Variants in CALN1 observed in about 807,000 individuals in gnomAD.
CALN1 encodes the protein calneuron 1.
A neutral mutation model predicts 30.6 loss-of-function variants in CALN1; 17 were observed. That is an observed-to-expected ratio of 0.56 (90% confidence interval 0.38 to 0.83). CALN1 has a LOEUF of 0.83. CALN1 is among the 40% of genes least tolerant of loss of function. CALN1 has a pLI of 0.00. For missense variants in CALN1, 291 were observed against 354.9 expected (o/e 0.82, Z 1.45); for synonymous variants, 156 against 131.4 (o/e 1.19, Z -1.28).
intron 2 of CALN1, among the ~76,000 whole-genome samples, chr7:72,356,839 G>A (rs1381315694): frequency 1.3e-5 from 2 of 151,986 alleles, no homozygotes; most frequent in African/African-American, 2.4e-5. Context: ...TGGGCATGTT[G>A]AAACGGATCT....
intron 2 of CALN1, among the ~76,000 whole-genome samples, chr7:72,353,070 T>A (rs1175811116): frequency 6.6e-6 from 1 of 152,208 alleles, no homozygotes; most frequent in Non-Finnish European, 1.5e-5. Context: ...TATTCCTATA[T>A]CTTTTAAAGA....
intron 5 of CALN1, among the ~76,000 whole-genome samples, chr7:71,869,742 C>T (rs772349332): frequency 1.3e-5 from 2 of 152,158 alleles, no homozygotes; most frequent in African/African-American, 2.4e-5. Context: ...TGAAGTAGTA[C>T]ATTTTACACT....
At chr7:71,823,942 T>TA (rs1788756920) in intron 5 of CALN1, among the ~76,000 whole-genome samples, 1 of 152,086 alleles carries the variant, frequency 6.6e-6, no homozygotes, top group Non-Finnish European at 1.5e-5. Context: ...GCGTGAGACT[T>TA]ACTCACTAGC....
At chr7:72,088,701 G>GAAAAAAAAAAA (rs71069024) in intron 4 of CALN1, among the ~76,000 whole-genome samples, 1 of 72,454 alleles carries the variant, frequency 1.4e-5, no homozygotes, top group Admixed American at 1.4e-4. Context: ...TCCATCTCAA[G>GAAAAAAAAAAA]AAAAAAAAAA....
intron 2 of CALN1, among the ~76,000 whole-genome samples, chr7:72,387,119 G>A (rs1009372501): frequency 6.8e-6 from 1 of 147,930 alleles, no homozygotes; most frequent in African/African-American, 2.5e-5. Flanking sequence ...AATTTGTACT[G>A]GATCATAACC....
chr7:71,928,041 T>A (rs1420612655), intron 5 of CALN1, among the ~76,000 whole-genome samples: 1 of 152,202 alleles, frequency 6.6e-6, no homozygotes, highest in Non-Finnish European at 1.5e-5. Flanking sequence ...AGGCTTTTGA[T>A]CCTTAGAGGA....
chr7:72,215,689 A>G (rs187375959), intron 3 of CALN1, among the ~76,000 whole-genome samples: 1 of 152,234 alleles, frequency 6.6e-6, no homozygotes, highest in East Asian at 1.9e-4. Flanking sequence ...CTTGAAATAA[A>G]GACAGCTCCA....
At chr7:72,350,740 C>T (rs964329401) in intron 2 of CALN1, among the ~76,000 whole-genome samples, 1 of 151,904 alleles carries the variant, frequency 6.6e-6, no homozygotes, top group African/African-American at 2.4e-5. Flanking sequence ...CTCAATTTAC[C>T]TATATAACAA....
intron 2 of CALN1, among the ~76,000 whole-genome samples, chr7:72,302,893 C>T (rs1440167662): frequency 4.1e-5 from 2 of 48,752 alleles, no homozygotes; most frequent in Admixed American, 7.2e-4. Context: ...GTGAGGGTCT[C>T]AAAAAAAAAA....
chr7:72,368,752 C>CCAAAGT (rs990442552), intron 2 of CALN1, among the ~76,000 whole-genome samples: 3 of 151,500 alleles, frequency 2.0e-5, no homozygotes, highest in African/African-American at 7.3e-5. Flanking sequence ...TAAGCCAAAG[C>CCAAAGT]CAAAGTCCTA....
intron 3 of CALN1, among the ~76,000 whole-genome samples, chr7:72,119,217 T>C (rs1347553073): frequency 2.0e-5 from 3 of 152,074 alleles, no homozygotes; most frequent in African/African-American, 4.8e-5. Flanking sequence ...AGAGGTTTAA[T>C]TGACTTACAG....
At chr7:72,491,183 G>A in the CALN1 span, among the ~76,000 whole-genome samples, 3 of 151,486 alleles carry the variant, frequency 2.0e-5, no homozygotes, top group Non-Finnish European at 4.4e-5. Flanking sequence ...GGCGGAGTTT[G>A]CAGTGAGCCA....
At chr7:72,298,205 G>C (rs531542310) in intron 2 of CALN1, among the ~76,000 whole-genome samples, 2 of 152,244 alleles carry the variant, frequency 1.3e-5, no homozygotes, top group East Asian at 1.9e-4. Flanking sequence ...AGAAAGTGTA[G>C]ATCATTTGAC....
intron 1 of CALN1, among the ~76,000 whole-genome samples, chr7:72,437,114 T>C (rs1375517581): frequency 6.6e-6 from 1 of 151,878 alleles, no homozygotes; most frequent in Non-Finnish European, 1.5e-5. Context: ...TGGTGCTTGC[T>C]GAAATTTTAG....
At chr7:71,899,418 C>T (rs1334349552) in intron 5 of CALN1, among the ~76,000 whole-genome samples, 1 of 152,148 alleles carries the variant, frequency 6.6e-6, no homozygotes, top group African/African-American at 2.4e-5. Flanking sequence ...GCTGGGATTA[C>T]AGACGTGAGC....
At chr7:72,446,387 C>A (rs1808526675) in intron 1 of CALN1, among the ~76,000 whole-genome samples, 1 of 152,166 alleles carries the variant, frequency 6.6e-6, no homozygotes, top group African/African-American at 2.4e-5. Flanking sequence ...GCCACAGAAC[C>A]TGAGACTCGG....
At chr7:72,098,820 G>A (rs1806432423) in intron 4 of CALN1, among the ~76,000 whole-genome samples, 1 of 145,760 alleles carries the variant, frequency 6.9e-6, no homozygotes, top group Non-Finnish European at 1.5e-5. Flanking sequence ...CCACCACTGA[G>A]GGCAAACTGG....
chr7:72,168,233 CAAAA>C (rs61366296), intron 3 of CALN1, among the ~76,000 whole-genome samples: 7 of 140,692 alleles, frequency 5.0e-5, no homozygotes, highest in African/African-American at 7.7e-5. Flanking sequence ...TGCAAACAAG[CAAAA>C]AAAAAAAAAA....
intron 2 of CALN1, among the ~76,000 whole-genome samples, chr7:72,355,519 G>A (rs1803171562): frequency 1.3e-5 from 2 of 152,126 alleles, no homozygotes; most frequent in Non-Finnish European, 2.9e-5. Flanking sequence ...GAGTGAGACT[G>A]TCTCAAAAAC....
Sources: gnomAD v4.1 joint callset for allele counts (sites outside exome capture counted in the v4.1 genomes callset) on GRCh38, gnomAD v4.1.1 for gene constraint, MANE v1.5 for transcripts, NCBI Gene and HGNC (gene_info 2026-07-23, HGNC 2026-07-21) for gene names.